Variants in FNIP2 observed in about 807,000 individuals in gnomAD.
FNIP2 encodes the protein folliculin-interacting protein 2.
Under a neutral mutation model 108.7 loss-of-function variants are expected in FNIP2, and 32 were observed. The ratio of observed to expected loss-of-function variants is 0.29; its 90% confidence interval spans 0.22 to 0.40. The LOEUF (loss-of-function observed/expected upper bound fraction) is 0.40. Ranked by LOEUF, FNIP2 falls within the 10% of genes least tolerant of loss-of-function variation. FNIP2 has a pLI of 1.00. For missense variants in FNIP2, 1,202 were observed against 1,381.6 expected, an observed-to-expected ratio of 0.87 and a Z score of 2.06; for synonymous variants, 480 against 496.7, an observed-to-expected ratio of 0.97 and a Z score of 0.45.
chr4:158,869,372 G>A lies in FNIP2; in HGVS notation c.2736G>A (p.Leu912=). 1 of 1,611,418 alleles carries A rather than the reference G, an allele frequency of 6.2e-7. No homozygotes were observed. Among genetic ancestry groups the A allele is most frequent in the African/African-American group, 1.3e-5 (1 of 74,978 alleles). The change falls in exon 13 of 17, where the codon CTG becomes CTA. Residue 912 remains leucine, a synonymous_variant. Transcript: ENST00000264433. The stretch of plus-strand genomic sequence containing the variant: ...CCTGCGCTTCAGCCATGCTAGATCT[G>A]GGTCACGGTGGTGACAGGACTGGAG... The part of the protein sequence containing the change: ...DEACASAMLD[L]GHGGDRTGGS...
At chr4:158,879,606 A>G (rs1020480006) in intron 14 of FNIP2, among the ~76,000 whole-genome samples, 3 of 150,542 alleles carry the variant, frequency 2.0e-5, no homozygotes, top group African/African-American at 7.4e-5. Context: ...ATGGGATCTA[A>G]TTAAAGAGCT....
At chr4:158,801,774 C>T (rs930624234) in intron 1 of FNIP2, among the ~76,000 whole-genome samples, 8 of 152,142 alleles carry the variant, frequency 5.3e-5, no homozygotes, top group Non-Finnish European at 8.8e-5. Flanking sequence ...GCGCTGAGCT[C>T]GTCAGATGAG....
intron 11 of FNIP2, 57 bp downstream of exon 11, chr4:158,861,545 G>A: frequency 6.2e-7 from 1 of 1,613,556 alleles, no homozygotes; most frequent in Non-Finnish European, 8.5e-7. Flanking sequence ...TGTGTGTACT[G>A]CATAGGATGT....
Position 158,870,413 on chromosome 4 carries a change from G to C in FNIP2, c.2893G>C (p.Gly965Arg). 1.9e-6 allele frequency: 3 copies of C among 1,613,982 alleles called. No individual in the cohort carries two copies. The highest frequency in any genetic ancestry group is 2.2e-5 in the East Asian group (1 of 44,884). The part of the protein sequence containing the change: ...YMPDLVLHGT[G>R]SDEKLKQCLV... The stretch of plus-strand genomic sequence containing the variant: ...GCCTGATCTTGTGCTTCATGGGACC[G>C]GCAGTGATGAGAAGCTGAAGCAGTG... The change falls in exon 14 of 17, where the codon GGC becomes CGC. Residue 965 changes from glycine (G) to arginine (R), a missense_variant. Gly to Arg is a moderately radical substitution (Grantham distance 125, BLOSUM62 -2). This residue lies in a region of FNIP2 where 142 missense variants were observed against 183.8 expected (regional missense o/e 0.77). Coordinates refer to ENST00000264433, the MANE Select transcript of FNIP2 (RefSeq NM_020840.3).
intron 6 of FNIP2, chr4:158,834,436 C>G (rs1183704061): frequency 1.3e-5 from 2 of 151,990 alleles, no homozygotes; most frequent in African/African-American, 4.8e-5. Context: ...TGTGAGGAAC[C>G]TCCATTACTA....
chr4:158,792,658 G>A lies in FNIP2; in HGVS notation c.107+23339G>A, dbSNP rs1193256756. On this transcript the variant is annotated intron_variant, in intron 1 of 16. Transcript: ENST00000264433. ...TGTTGATGAAAATGTTGTAATCAGC[G>A]GCTTTCAGGAACCTAACCCTTTATT... Among the ~76,000 whole-genome samples the A allele has an allele frequency of 2.6e-5, 4 of 152,138 alleles. No homozygotes were observed. The South Asian group carries it at 6.2e-4, about 24-fold the overall frequency.
rs6840198 is a variant in FNIP2 at position 158,862,738 on chromosome 4, C to T, written c.1465+962C>T. 2.4e-3 allele frequency among the ~76,000 whole-genome samples: 365 copies of T among 152,206 alleles called. 1 individual carries two copies. The highest frequency in any genetic ancestry group is 8.6e-3 in the African/African-American group (358 of 41,534). ...TTACTCAGAACATGCCTAACTCATTCTTGGTCATACGGGAAGTTTTTCCTG... is the reference window on the plus strand; with the variant it reads ...TTACTCAGAACATGCCTAACTCATTTTTGGTCATACGGGAAGTTTTTCCTG... On this transcript the variant is annotated intron_variant, in intron 12 of 16. Coordinates refer to ENST00000264433, the MANE Select transcript of FNIP2 (RefSeq NM_020840.3).
intron 1 of FNIP2, among the ~76,000 whole-genome samples, chr4:158,817,963 G>T (rs370324685): frequency 6.6e-6 from 1 of 152,228 alleles, no homozygotes. Context: ...GCAGTGCTCC[G>T]CTATTTTGTC....
At chr4:158,883,967 T>A (rs78488125) in intron 14 of FNIP2, among the ~76,000 whole-genome samples, 1 of 150,328 alleles carries the variant, frequency 6.7e-6, no homozygotes, top group African/African-American at 2.5e-5. Context: ...TTTTTTTTTT[T>A]TTGTCCTGAG....
chr4:158,859,996 C>T (rs1393899516), intron 10 of FNIP2, among the ~76,000 whole-genome samples: 4 of 152,168 alleles, frequency 2.6e-5, no homozygotes, highest in Non-Finnish European at 5.9e-5. Flanking sequence ...CCCCATTTTA[C>T]AGATGTGGAA....
At chr4:158,838,278 T>A (rs1778922734) in intron 7 of FNIP2, among the ~76,000 whole-genome samples, 1 of 138,516 alleles carries the variant, frequency 7.2e-6, no homozygotes, top group Non-Finnish European at 1.5e-5. Context: ...TGGTGTGCAA[T>A]GGCACAGTCT....
intron 3 of FNIP2, among the ~76,000 whole-genome samples, chr4:158,829,702 T>C (rs1778355897): frequency 6.7e-6 from 1 of 149,014 alleles, no homozygotes; most frequent in African/African-American, 2.6e-5. Context: ...TTTTACACTG[T>C]GTGTGTGGGG....
intron 14 of FNIP2, among the ~76,000 whole-genome samples, chr4:158,878,231 G>C (rs1387547812): frequency 1.3e-5 from 2 of 152,190 alleles, no homozygotes; most frequent in African/African-American, 4.8e-5. Context: ...TGGGTGCTGA[G>C]TTCTCAGATT....
chr4:158,777,933 GT>G (rs1775912252), intron 1 of FNIP2, among the ~76,000 whole-genome samples: 1 of 152,130 alleles, frequency 6.6e-6, no homozygotes, highest in Non-Finnish European at 1.5e-5. Flanking sequence ...TGCTGTACCA[GT>G]TTCTTTCGTA....
chr4:158,821,416 G>T (rs979325677), intron 1 of FNIP2, among the ~76,000 whole-genome samples: 1 of 152,204 alleles, frequency 6.6e-6, no homozygotes, highest in Non-Finnish European at 1.5e-5. Context: ...GAATCATGCC[G>T]AGTGGCCCCA....
In FNIP2 at chr4:158,839,755, A is replaced by G. The variant is rs182368297; in HGVS notation, c.727+4279A>G. ...TCCCATGCTCCTTTAACATACCTCT[A>G]TCTGTGAGGGGTTGGGGTGAGTATT... On this transcript the variant is annotated intron_variant, in intron 7 of 16. Coordinates refer to ENST00000264433, the MANE Select transcript of FNIP2 (RefSeq NM_020840.3). Among the ~76,000 whole-genome samples the G allele has an allele frequency of 2.6e-4, 39 of 152,044 alleles. 1 individual carries two copies. Among genetic ancestry groups the G allele is most frequent in the Middle Eastern group, 3.4e-3 (1 of 294 alleles).
intron 1 of FNIP2, among the ~76,000 whole-genome samples, chr4:158,808,134 ATTCT>A (rs1205204248): frequency 6.6e-6 from 1 of 152,132 alleles, no homozygotes; most frequent in Non-Finnish European, 1.5e-5. Context: ...TATTTTAAAA[ATTCT>A]TTCTTCTTCT....
Position 158,863,544 on chromosome 4 carries a change from C to G in FNIP2, c.1465+1768C>G, listed in dbSNP as rs992306438. 2.6e-4 allele frequency among the ~76,000 whole-genome samples: 39 copies of G among 152,206 alleles called. 1 individual carries two copies. The highest frequency in any genetic ancestry group is 8.8e-5 in the Non-Finnish European group (6 of 68,040). ...CTTTCACGGGTTTGCTGCTCAGGAG[C>G]TCGGTGATCCTTGCTTCTGCCCAGC... is the stretch of plus-strand genomic sequence containing the variant. On this transcript the variant is annotated intron_variant, in intron 12 of 16. Transcript: ENST00000264433.
intron 1 of FNIP2, among the ~76,000 whole-genome samples, chr4:158,812,677 A>G (rs1279739374): frequency 6.6e-6 from 1 of 152,028 alleles, no homozygotes; most frequent in African/African-American, 2.4e-5. Flanking sequence ...CCTTGCCCCC[A>G]CAGTATCAAC....
Sources: allele counts gnomAD v4.1 joint callset (sites outside exome capture counted in the v4.1 genomes callset), GRCh38; gene constraint gnomAD v4.1.1; regional missense constraint gnomAD v4.1.1; transcripts MANE v1.5; gene names NCBI Gene and HGNC (gene_info 2026-07-23, HGNC 2026-07-21).